The following SPON1 variants were observed in gnomAD, a reference collection of about 807,000 sequenced individuals.
SPON1 encodes spondin-1.
A neutral mutation model predicts 111.7 loss-of-function variants in SPON1; 52 were observed. The ratio of observed to expected loss-of-function variants is 0.47; its 90% CI spans 0.37 to 0.59. The LOEUF (loss-of-function observed/expected upper bound fraction) is 0.59, where lower values mean the gene tolerates loss of function less well. SPON1 is among the 20% of genes least tolerant of loss of function. The pLI, the probability that SPON1 is intolerant of heterozygous loss-of-function variation, is 0.00. For synonymous variants in SPON1, 410 were observed against 395.8 expected, an observed-to-expected ratio of 1.04 and a Z score of -0.43; for missense variants, 957 against 1,068.5, an observed-to-expected ratio of 0.90 and a Z score of 1.46.
At chr11:14,150,693 A>T (rs539831807) in intron 6 of SPON1, among the ~76,000 whole-genome samples, 6 of 152,186 alleles carry the variant, frequency 3.9e-5, no homozygotes, top group Non-Finnish European at 8.8e-5. Flanking sequence ...TGTCTCATTA[A>T]TGTTTTCGTT....
chr11:14,208,627 A>G (rs1445045931), intron 6 of SPON1, among the ~76,000 whole-genome samples: 1 of 152,176 alleles, frequency 6.6e-6, no homozygotes, highest in Non-Finnish European at 1.5e-5. Context: ...TGATTGCTCT[A>G]TGTATTTAAA....
chr11:14,189,506 A>G (rs981339126), intron 6 of SPON1, among the ~76,000 whole-genome samples: 14 of 152,136 alleles, frequency 9.2e-5, no homozygotes, highest in Admixed American at 1.3e-4. Flanking sequence ...CCCTGCAGAC[A>G]CAGAGGTTCT....
At chr11:14,055,435 AC>A (rs1232237738) in intron 3 of SPON1, among the ~76,000 whole-genome samples, 11 of 152,180 alleles carry the variant, frequency 7.2e-5, no homozygotes, top group Non-Finnish European at 1.0e-4. Context: ...GGCAAGTCTG[AC>A]TCCTAAAAGG....
rs782356380 is a variant in SPON1 at position 14,262,927 on chromosome 11, C to T, written c.2212C>T (p.Arg738Trp). The change falls in exon 15 of 16, where the codon CGG (arginine) becomes TGG (tryptophan). Residue 738 changes from arginine to tryptophan, a missense_variant. By Grantham distance (101) the Arg-to-Trp change is moderately radical. Coordinates refer to ENST00000576479, the MANE Select transcript of SPON1 (RefSeq NM_006108.4). ...ACGCTGGAGGGAGGCCCGAGAGAGC[C>T]GGCGGAGTGAGCAGCTGAAGGAAGA... ...KLRWREARES[R>W]RSEQLKEESE... 8.7e-6 allele frequency: 14 copies of T among 1,613,542 alleles called. No individual in the cohort carries two copies. The highest frequency in any genetic ancestry group is 2.2e-5 in the South Asian group (2 of 91,050).
Position 14,230,733 on chromosome 11 carries a change from T to A in SPON1, c.826-12599T>A, listed in dbSNP as rs2007589. On this transcript the variant is annotated intron_variant, in intron 6 of 15. Transcript: ENST00000576479. Reference sequence around the variant, plus strand: ...AAACAGGCTTGGATGCGACCTTTTCTTTTTACTTTCCATTTTTCTTTCTCT... The same window carrying A: ...AAACAGGCTTGGATGCGACCTTTTCATTTTACTTTCCATTTTTCTTTCTCT... Among the ~76,000 whole-genome samples, 63 of 151,502 alleles carry A rather than the reference T, an allele frequency of 4.2e-4. No homozygotes were observed. The Middle Eastern group carries it at 0.01, about 25-fold the overall frequency.
chr11:14,153,189 A>G (rs1009860390), intron 6 of SPON1, among the ~76,000 whole-genome samples: 4 of 152,226 alleles, frequency 2.6e-5, no homozygotes, highest in African/African-American at 9.6e-5. Context: ...AGCATTTAAC[A>G]TACTTTTACT....
In SPON1 at chr11:14,192,603, A is replaced by G. The variant is rs567688665; in HGVS notation, c.826-50729A>G. 6.6e-5 allele frequency among the ~76,000 whole-genome samples: 10 copies of G among 151,984 alleles called. No individual in the cohort carries two copies. In the South Asian group the frequency reaches 2.1e-3, roughly 32 times the overall value. ...GTGACAGTGAGCTGTTTGTCAGACT[A>G]TTGTCCAAATGCCCTCCCTCACGGT... On this transcript the variant is annotated intron_variant, in intron 6 of 15. Coordinates refer to ENST00000576479, the MANE Select transcript of SPON1 (RefSeq NM_006108.4).
At chr11:14,022,904 C>T (rs955595910) in intron 2 of SPON1, among the ~76,000 whole-genome samples, 2 of 152,214 alleles carry the variant, frequency 1.3e-5, no homozygotes, top group Non-Finnish European at 2.9e-5. Context: ...AAAGCAGGTT[C>T]ATGTAGGTTC....
intron 5 of SPON1, among the ~76,000 whole-genome samples, chr11:14,108,205 A>G (rs1015879837): frequency 6.6e-6 from 1 of 152,184 alleles, no homozygotes; most frequent in Non-Finnish European, 1.5e-5. Context: ...GAAAGCTCAC[A>G]AAGTGTTCGT....
intron 5 of SPON1, among the ~76,000 whole-genome samples, chr11:14,126,241 A>G (rs112749976): frequency 0.011 from 1,656 of 152,310 alleles, 38 homozygotes; most frequent in African/African-American, 0.038. Context: ...AGGTTGACAT[A>G]TAAAATTAAC....
chr11:14,015,318 G>A (rs538875597), intron 2 of SPON1, among the ~76,000 whole-genome samples: 1 of 152,276 alleles, frequency 6.6e-6, no homozygotes, highest in South Asian at 2.1e-4. Context: ...ATGGTGCCTT[G>A]TTGCATGCTC....
chr11:14,108,068 G>A (rs560752109), intron 5 of SPON1, among the ~76,000 whole-genome samples: 76 of 152,282 alleles, frequency 5.0e-4, no homozygotes, highest in Non-Finnish European at 8.7e-4. Context: ...TTTACTAGCT[G>A]TAGCACCTTG....
In SPON1 at chr11:14,267,046, T is replaced by C. The variant is rs1849279020; in HGVS notation, c.*1359T>C. 6.6e-6 allele frequency: 1 copy of C among 152,230 alleles called. No homozygotes were observed. Among genetic ancestry groups the C allele is most frequent in the Non-Finnish European group, 1.5e-5 (1 of 68,032 alleles). The allele number at this position is 152,230 out of a possible 1,614,324, so 9.4% of individuals were successfully genotyped here. On this transcript the variant is annotated 3_prime_UTR_variant, in exon 16 of 16. Coordinates refer to ENST00000576479, the MANE Select transcript of SPON1 (RefSeq NM_006108.4). The stretch of plus-strand genomic sequence containing the variant: ...TTCATTTCTTCTTTTATAGGCCTTA[T>C]TACTGCTTAATCCAAATGTGTACCA...
chr11:14,258,418 A>G (rs1849133918), intron 11 of SPON1, among the ~76,000 whole-genome samples: 1 of 152,122 alleles, frequency 6.6e-6, no homozygotes, highest in Admixed American at 6.5e-5. Flanking sequence ...ATCTTGCAAC[A>G]CCTATATCAT....
At chr11:14,059,518 G>A (rs1554919614) in intron 3 of SPON1, among the ~76,000 whole-genome samples, 1 of 152,080 alleles carries the variant, frequency 6.6e-6, no homozygotes, top group African/African-American at 2.4e-5. Context: ...CACCTACTAT[G>A]TGCCAGGCTA....
chr11:14,010,700 A>G (rs1848397893), intron 2 of SPON1, among the ~76,000 whole-genome samples: 1 of 152,334 alleles, frequency 6.6e-6, no homozygotes, highest in African/African-American at 2.4e-5. Context: ...TTTTTACAGC[A>G]ACCCAAACTC....
chr11:14,253,114 G>A (rs1248794827), intron 7 of SPON1, among the ~76,000 whole-genome samples: 3 of 152,202 alleles, frequency 2.0e-5, no homozygotes, highest in African/African-American at 7.2e-5. Context: ...GTGCATGGGA[G>A]GCAGCACCAG....
intron 3 of SPON1, among the ~76,000 whole-genome samples, chr11:14,056,226 T>A (rs1383466992): frequency 6.6e-6 from 1 of 152,146 alleles, no homozygotes; most frequent in Non-Finnish European, 1.5e-5. Flanking sequence ...AATGAGTTAG[T>A]GCATGTAAAA....
At chr11:14,030,951 A>G (rs112287305) in intron 2 of SPON1, among the ~76,000 whole-genome samples, 1 of 152,260 alleles carries the variant, frequency 6.6e-6, no homozygotes, top group African/African-American at 2.4e-5. Flanking sequence ...ACATGGCATC[A>G]ACTTAGGTGT....
Sources: gnomAD v4.1 joint callset for allele counts (sites outside exome capture counted in the v4.1 genomes callset) on GRCh38, gnomAD v4.1.1 for gene constraint, MANE v1.5 for transcripts, NCBI Gene and HGNC (gene_info 2026-07-23, HGNC 2026-07-21) for gene names.